The following NCKAP5 variants were observed in gnomAD, a reference collection of about 807,000 sequenced individuals.
The protein encoded by NCKAP5 is nck-associated protein 5.
NCKAP5 carries 92 observed loss-of-function variants against 167.0 expected under a neutral mutation model. The observed-to-expected ratio is 0.55, with a 90% CI of 0.47 to 0.66. The LOEUF is 0.66. NCKAP5 is among the 30% of genes least tolerant of loss of function. The probability of loss-of-function intolerance (pLI) is 0.00; values close to 1 mark genes in which losing one functional copy is unlikely to be tolerated. For synonymous variants in NCKAP5, 891 were observed against 877.4 expected (o/e 1.02, Z -0.27); for missense variants, 2,378 against 2,315.0 (o/e 1.03, Z -0.56).
chr2:133,123,869 A>G, intron 6 of NCKAP5: 3 of 467,586 alleles, frequency 6.4e-6, no homozygotes, highest in Middle Eastern at 6.5e-4. Context: ...TGGGTAGAAC[A>G]TTTAAGGGCA....
intron 4 of NCKAP5, among the ~76,000 whole-genome samples, chr2:133,215,506 C>A (rs1201803983): frequency 6.6e-6 from 1 of 152,024 alleles, no homozygotes; most frequent in Non-Finnish European, 1.5e-5. Flanking sequence ...ATATGTTCAC[C>A]AAAAGACATG....
At chr2:133,388,952 T>A (rs879184154) in intron 3 of NCKAP5, among the ~76,000 whole-genome samples, 2 of 152,208 alleles carry the variant, frequency 1.3e-5, no homozygotes, top group African/African-American at 4.8e-5. Context: ...TGCCTGGCTA[T>A]GAAAGGGAAT....
chr2:133,252,746 T>C (rs1455729644), intron 4 of NCKAP5, among the ~76,000 whole-genome samples: 1 of 152,198 alleles, frequency 6.6e-6, no homozygotes, highest in Non-Finnish European at 1.5e-5. Flanking sequence ...GAGAAAGCTT[T>C]CCTCAATGCC....
chr2:132,990,603 C>A (rs1476607312), intron 7 of NCKAP5, among the ~76,000 whole-genome samples: 1 of 152,170 alleles, frequency 6.6e-6, no homozygotes, highest in Non-Finnish European at 1.5e-5. Context: ...TCCAGTTGGG[C>A]TCCATATCAT....
In NCKAP5 at chr2:132,909,995, T is replaced by C. The variant is rs1470017202; in HGVS notation, c.580-31079A>G. ...ATGCCCATTTTACAGGCAACAATGC[T>C]TACAATTAGAGCAGTTAAGGAACTT... On this transcript the variant is annotated intron_variant, in intron 8 of 19. Transcript: ENST00000409261. 4.6e-5 allele frequency among the ~76,000 whole-genome samples: 7 copies of C among 152,310 alleles called. No homozygotes were observed. In the South Asian group the frequency reaches 8.3e-4, roughly 18 times the overall value.
At chr2:133,114,437 T>C (rs1372073646) in intron 6 of NCKAP5, among the ~76,000 whole-genome samples, 3 of 152,244 alleles carry the variant, frequency 2.0e-5, no homozygotes, top group African/African-American at 7.2e-5. Flanking sequence ...TTTTCAGCCA[T>C]ATTTATGTCA....
chr2:133,278,209 G>C (rs2089806584), intron 4 of NCKAP5, among the ~76,000 whole-genome samples: 2 of 152,170 alleles, frequency 1.3e-5, no homozygotes, highest in Admixed American at 1.3e-4. Context: ...CGCAAATGTA[G>C]TGACCTAAAA....
intron 6 of NCKAP5, among the ~76,000 whole-genome samples, chr2:133,059,671 T>C (rs1187494381): frequency 6.6e-6 from 1 of 150,642 alleles, no homozygotes; most frequent in Non-Finnish European, 1.5e-5. Flanking sequence ...GAGATGCTAT[T>C]TCAAAAAAAA....
intron 8 of NCKAP5, among the ~76,000 whole-genome samples, chr2:132,899,599 G>A (rs1693462245): frequency 6.6e-6 from 1 of 152,262 alleles, no homozygotes; most frequent in African/African-American, 2.4e-5. Flanking sequence ...CATGGGCCGA[G>A]CACAGTGGCT....
chr2:132,691,800 C>G (rs1385978650), intron 19 of NCKAP5, among the ~76,000 whole-genome samples: 1 of 152,092 alleles, frequency 6.6e-6, no homozygotes. Context: ...ACAGACATTC[C>G]CACCCTGCAA....
the NCKAP5 span, among the ~76,000 whole-genome samples, chr2:133,595,260 T>G: frequency 2.0e-5 from 3 of 152,150 alleles, no homozygotes; most frequent in Non-Finnish European, 2.9e-5. Context: ...TTTTAATGAC[T>G]GTTTAGGTGG....
intron 5 of NCKAP5, among the ~76,000 whole-genome samples, chr2:133,176,624 G>A (rs926392572): frequency 9.2e-5 from 14 of 152,184 alleles, no homozygotes; most frequent in Non-Finnish European, 1.9e-4. Context: ...CCATGTGCTA[G>A]TAACCTGGTT....
At chr2:133,375,639 C>T (rs1049576572) in intron 3 of NCKAP5, among the ~76,000 whole-genome samples, 3 of 152,192 alleles carry the variant, frequency 2.0e-5, no homozygotes, top group African/African-American at 7.2e-5. Context: ...TTCTCATCCC[C>T]ATGTCCACAT....
At chr2:133,365,994 T>G (rs1559420488) in intron 3 of NCKAP5, among the ~76,000 whole-genome samples, 1 of 152,232 alleles carries the variant, frequency 6.6e-6, no homozygotes, top group South Asian at 2.1e-4. Flanking sequence ...CAATATGCTC[T>G]TATTATTTCA....
chr2:132,945,176 G>T (rs976681569), intron 8 of NCKAP5, among the ~76,000 whole-genome samples: 2 of 151,754 alleles, frequency 1.3e-5, no homozygotes, highest in African/African-American at 4.8e-5. Flanking sequence ...CCTACACCCA[G>T]ATAAGTTCCT....
the NCKAP5 span, among the ~76,000 whole-genome samples, chr2:133,643,640 A>G: frequency 6.6e-6 from 1 of 152,142 alleles, no homozygotes; most frequent in Non-Finnish European, 1.5e-5. Flanking sequence ...CATCCTATCT[A>G]CAATCCATTT....
chr2:133,460,810 A>G (rs1356061616), intron 3 of NCKAP5, among the ~76,000 whole-genome samples: 1 of 152,206 alleles, frequency 6.6e-6, no homozygotes, highest in Non-Finnish European at 1.5e-5. Context: ...TTTTGTATTT[A>G]GACTATTTCC....
intron 10 of NCKAP5, among the ~76,000 whole-genome samples, chr2:132,864,939 C>A (rs1690224753): frequency 6.6e-6 from 1 of 152,136 alleles, no homozygotes; most frequent in Non-Finnish European, 1.5e-5. Flanking sequence ...CAAGGCACTG[C>A]ACAAAATTGG....
chr2:133,472,363 T>G (rs757997548), intron 3 of NCKAP5, among the ~76,000 whole-genome samples: 3 of 152,218 alleles, frequency 2.0e-5, no homozygotes, highest in Admixed American at 1.3e-4. Flanking sequence ...GAGCATCTTA[T>G]GCTTCTAGAC....
Sources: allele counts gnomAD v4.1 joint callset (sites outside exome capture counted in the v4.1 genomes callset), GRCh38; gene constraint gnomAD v4.1.1; transcripts MANE v1.5; gene names NCBI Gene and HGNC (gene_info 2026-07-23, HGNC 2026-07-21).